Variants in SAMD3 observed in about 807,000 individuals in gnomAD.
SAMD3 encodes the protein sterile alpha motif domain containing 3, also known as sterile alpha motif domain-containing protein 3.
Under a neutral mutation model 58.5 loss-of-function variants are expected in SAMD3, and 63 were observed. That is an observed-to-expected ratio of 1.08 (90% CI 0.88 to 1.33). The LOEUF (loss-of-function observed/expected upper bound fraction) is 1.33, where lower values mean the gene tolerates loss of function less well. SAMD3 is among the 40% of genes most tolerant of loss of function. The pLI is 0.00. For missense variants in SAMD3, 604 were observed against 608.4 expected (o/e 0.99, Z 0.08); for synonymous variants, 220 against 210.3 (o/e 1.05, Z -0.40).
chr6:130,306,932 C>A (rs1828695), intron 2 of SAMD3, among the ~76,000 whole-genome samples: 25,687 of 152,200 alleles, frequency 0.17, 2,433 homozygotes, highest in East Asian at 0.36. Flanking sequence ...TTAACTACTA[C>A]TTCACTACTG....
intron 2 of SAMD3, among the ~76,000 whole-genome samples, chr6:130,256,348 A>G (rs982423924): frequency 5.3e-5 from 8 of 152,124 alleles, no homozygotes; most frequent in South Asian, 4.2e-4. Context: ...TGCCCTTTCT[A>G]TTGGAATCTG....
chr6:130,144,380 A>G lies in SAMD3; in HGVS notation c.*140T>C, dbSNP rs1788424183. 1 of 699,130 alleles carries G rather than the reference A, an allele frequency of 1.4e-6. No homozygotes were observed. The highest frequency in any genetic ancestry group is 3.2e-5 in the Admixed American group (1 of 31,102). The allele number at this position is 699,130 out of a possible 1,614,324, so 43.3% of individuals were successfully genotyped here. A position where few individuals can be genotyped will look rare whatever the true frequency, so the allele number is the denominator to read the frequency against. On this transcript the variant is annotated 3_prime_UTR_variant, in exon 12 of 12. Transcript: ENST00000439090. ...CTTAATATCTAAGTGTAAAGATAGA[A>G]AGCATTGAAATTCATTAGCATCTAT... is the stretch of plus-strand genomic sequence containing the variant.
chr6:130,243,515 T>A (rs930321514), intron 2 of SAMD3, among the ~76,000 whole-genome samples: 2 of 152,142 alleles, frequency 1.3e-5, no homozygotes, highest in African/African-American at 4.8e-5. Context: ...ATCTTAGCAA[T>A]CTCCTTACAA....
intron 1 of SAMD3, among the ~76,000 whole-genome samples, chr6:130,326,017 C>A (rs1317147973): frequency 6.6e-6 from 1 of 152,204 alleles, no homozygotes; most frequent in East Asian, 1.9e-4. Context: ...GGTTGATAAA[C>A]TCAGGGGCAT....
chr6:130,340,908 A>C (rs939744816), intron 1 of SAMD3, among the ~76,000 whole-genome samples: 1 of 150,922 alleles, frequency 6.6e-6, no homozygotes, highest in Non-Finnish European at 1.5e-5. Context: ...TATTTGTTTG[A>C]AGATGTTTGA....
intron 9 of SAMD3, among the ~76,000 whole-genome samples, chr6:130,151,368 T>C (rs1789167906): frequency 6.6e-6 from 1 of 152,056 alleles, no homozygotes; most frequent in Non-Finnish European, 1.5e-5. Context: ...ATGTTAACAG[T>C]GGGAAGACTA....
chr6:130,353,389 A>G (rs1043244088), intron 1 of SAMD3, among the ~76,000 whole-genome samples: 3 of 152,084 alleles, frequency 2.0e-5, no homozygotes, highest in Non-Finnish European at 4.4e-5. Context: ...CACCTAACAC[A>G]TGTGTTTTTG....
chr6:130,274,426 C>T (rs904500848), intron 2 of SAMD3, among the ~76,000 whole-genome samples: 5 of 152,150 alleles, frequency 3.3e-5, no homozygotes, highest in African/African-American at 1.2e-4. Context: ...TTCTAGTCTT[C>T]CAAGAATAGG....
intron 2 of SAMD3, among the ~76,000 whole-genome samples, chr6:130,251,422 T>G (rs1238081541): frequency 1.3e-5 from 2 of 152,200 alleles, no homozygotes; most frequent in African/African-American, 4.8e-5. Flanking sequence ...TGGTTGAGTA[T>G]GTTTTTGGTG....
At chr6:130,349,781 T>C (rs1021624807) in intron 1 of SAMD3, among the ~76,000 whole-genome samples, 3 of 152,206 alleles carry the variant, frequency 2.0e-5, no homozygotes, top group Non-Finnish European at 1.5e-5. Context: ...AAGAGAATTT[T>C]AGACCAATAT....
chr6:130,150,684 G>T (rs1007288063), intron 9 of SAMD3, among the ~76,000 whole-genome samples: 2 of 151,130 alleles, frequency 1.3e-5, no homozygotes, highest in South Asian at 2.1e-4. Context: ...GAGGTGTTCT[G>T]CAGGGTCTCT....
chr6:130,308,395 ATTC>A (rs1554273465), intron 2 of SAMD3, among the ~76,000 whole-genome samples: 3 of 142,690 alleles, frequency 2.1e-5, no homozygotes, highest in Non-Finnish European at 4.5e-5. Context: ...ATTCTATTCT[ATTC>A]TATTCTATTC....
chr6:130,158,736 A>T (rs1414624413), intron 8 of SAMD3, among the ~76,000 whole-genome samples: 4 of 152,054 alleles, frequency 2.6e-5, no homozygotes, highest in Non-Finnish European at 5.9e-5. Flanking sequence ...ACAAAAGTAT[A>T]CTCCACAGAG....
At chr6:130,315,852 C>T (rs1776345490) in intron 1 of SAMD3, among the ~76,000 whole-genome samples, 4 of 151,928 alleles carry the variant, frequency 2.6e-5, no homozygotes, top group Admixed American at 2.6e-4. Flanking sequence ...CGATGAGCTC[C>T]CCAAAGTAGG....
chr6:130,267,329 T>C (rs1774395642), intron 2 of SAMD3, among the ~76,000 whole-genome samples: 1 of 152,204 alleles, frequency 6.6e-6, no homozygotes, highest in Non-Finnish European at 1.5e-5. Context: ...CCTTGTTTGC[T>C]ACCCGTACTT....
At chr6:130,350,558 C>T (rs1007877207) in intron 1 of SAMD3, among the ~76,000 whole-genome samples, 15 of 152,010 alleles carry the variant, frequency 9.9e-5, no homozygotes, top group African/African-American at 3.1e-4. Context: ...AACCACTGCT[C>T]GATGAAATAA....
At chr6:130,270,997 G>T (rs4895869) in intron 2 of SAMD3, among the ~76,000 whole-genome samples, 140 of 57,044 alleles carry the variant, frequency 2.5e-3, no homozygotes, top group South Asian at 0.013. Flanking sequence ...TGTTTTTTTT[G>T]TTTTTTTTTG....
intron 8 of SAMD3, among the ~76,000 whole-genome samples, chr6:130,173,158 G>A (rs566422821): frequency 6.6e-6 from 1 of 152,262 alleles, no homozygotes; most frequent in South Asian, 2.1e-4. Context: ...CTTTAGCTCA[G>A]AGGAGTTTGT....
chr6:130,356,305 G>A (rs1387739683), intron 1 of SAMD3, among the ~76,000 whole-genome samples: 2 of 152,164 alleles, frequency 1.3e-5, no homozygotes, highest in African/African-American at 2.4e-5. Flanking sequence ...CTAGCTCAGA[G>A]TTTCTGCATT....
Sources: allele counts gnomAD v4.1 joint callset (sites outside exome capture counted in the v4.1 genomes callset), GRCh38; gene constraint gnomAD v4.1.1; transcripts MANE v1.5; gene names NCBI Gene and HGNC (gene_info 2026-07-23, HGNC 2026-07-21).